The following ATP8A2 variants were observed in gnomAD, a reference collection of about 807,000 sequenced individuals.
ATP8A2 encodes phospholipid-transporting ATPase IB.
Under a neutral mutation model 165.6 loss-of-function variants are expected in ATP8A2, and 100 were observed. The ratio of observed to expected loss-of-function variants is 0.60; its 90% CI spans 0.51 to 0.71. ATP8A2 has a LOEUF of 0.71. ATP8A2 is among the 30% of genes least tolerant of loss of function. The pLI is 0.00. For missense variants in ATP8A2, 1,227 were observed against 1,479.5 expected (o/e 0.83, Z 2.80); for synonymous variants, 543 against 548.8 (o/e 0.99, Z 0.15).
chr13:25,464,379 C>G (rs938979237), intron 1 of ATP8A2, among the ~76,000 whole-genome samples: 1 of 150,082 alleles, frequency 6.7e-6, no homozygotes, highest in Non-Finnish European at 1.5e-5. Context: ...CCCAAACCCC[C>G]TAATGCAGCT....
intron 1 of ATP8A2, among the ~76,000 whole-genome samples, chr13:25,375,385 A>G (rs1018299444): frequency 6.6e-6 from 1 of 152,088 alleles, no homozygotes; most frequent in Admixed American, 6.5e-5. Context: ...AAGGGTGTAC[A>G]TGTGAATATG....
chr13:25,953,479 AAC>A lies in ATP8A2; in HGVS notation c.3184-8092_3184-8091del, dbSNP rs1955428285. Among the ~76,000 whole-genome samples, 1 of 150,408 alleles carries A rather than the reference AAC, an allele frequency of 6.6e-6. No homozygotes were observed. The highest frequency in any genetic ancestry group is 1.5e-5 in the Non-Finnish European group (1 of 67,734). On this transcript the variant is annotated intron_variant, in intron 33 of 36. Transcript: ENST00000381655. This position sits in a 1 kb window ranked among gnomAD's most constrained non-coding sequence, Gnocchi z 6.7. ...TTTTCAAATCCACGCCACATTGGGG[AAC>A]ACAAACTGACCTTATGTAGCCCTGG...
At chr13:25,677,301 G>A (rs746862892) in intron 24 of ATP8A2, among the ~76,000 whole-genome samples, 2 of 152,266 alleles carry the variant, frequency 1.3e-5, no homozygotes, top group East Asian at 1.9e-4. Flanking sequence ...AGAACATTTC[G>A]AGCATCATAG....
chr13:25,398,001 A>C (rs2033488380), intron 1 of ATP8A2, among the ~76,000 whole-genome samples: 1 of 152,156 alleles, frequency 6.6e-6, no homozygotes, highest in Non-Finnish European at 1.5e-5. Context: ...TATGTAGATG[A>C]AGCCTCCAGG....
chr13:25,957,365 A>T (rs1305404829), intron 33 of ATP8A2, among the ~76,000 whole-genome samples: 1 of 152,252 alleles, frequency 6.6e-6, no homozygotes, highest in Non-Finnish European at 1.5e-5. Flanking sequence ...CAATCTATCC[A>T]TCTGACAAAG....
chr13:26,023,747 A>G lies in ATP8A2; in HGVS notation c.*3762A>G, dbSNP rs1333393187. On this transcript the variant is annotated 3_prime_UTR_variant, in exon 37 of 37. Transcript: ENST00000381655. ...TAGGATAAGGTGGTCTTTAGTTTTG[A>G]ACGTGTGAAAGGACTGCACACTTTT... The G allele has an allele frequency of 6.6e-6, 1 of 152,180 alleles. No homozygotes were observed. Among genetic ancestry groups the G allele is most frequent in the Admixed American group, 6.5e-5 (1 of 15,274 alleles). 9.4% of individuals were successfully genotyped at this position (152,180 alleles called of 1,614,324 possible). A position where few individuals can be genotyped will look rare whatever the true frequency, so the allele number is the denominator to read the frequency against.
intron 30 of ATP8A2, among the ~76,000 whole-genome samples, chr13:25,859,648 G>A (rs978944071): frequency 3.9e-5 from 6 of 152,080 alleles, no homozygotes; most frequent in African/African-American, 1.4e-4. Flanking sequence ...GAGTGCTTGC[G>A]TTCCCCCAGG....
chr13:25,507,172 GT>G (rs1156341936), intron 2 of ATP8A2, among the ~76,000 whole-genome samples: 3 of 151,546 alleles, frequency 2.0e-5, no homozygotes, highest in Non-Finnish European at 4.4e-5. Context: ...ATATTGAAGA[GT>G]GATATCTCAG....
chr13:25,623,580 A>C (rs73469909), intron 24 of ATP8A2, among the ~76,000 whole-genome samples: 19,819 of 152,206 alleles, frequency 0.13, 1,540 homozygotes, highest in Non-Finnish European at 0.19. Flanking sequence ...ACGTGTTTTG[A>C]AACATAGTAG....
intron 24 of ATP8A2, among the ~76,000 whole-genome samples, chr13:25,623,989 G>T (rs1406233112): frequency 1.3e-5 from 2 of 151,946 alleles, no homozygotes; most frequent in Admixed American, 6.6e-5. Flanking sequence ...AGAATGGAGT[G>T]CCATCCTTCC....
intron 1 of ATP8A2, among the ~76,000 whole-genome samples, chr13:25,431,539 A>C (rs997257695): frequency 3.3e-5 from 5 of 152,142 alleles, no homozygotes; most frequent in African/African-American, 4.8e-5. Context: ...TGGAATGGGA[A>C]TTGATTTTCT....
In ATP8A2 at chr13:25,799,328, G is replaced by C. The variant is rs1056607977; in HGVS notation, c.2679+24369G>C. Among the ~76,000 whole-genome samples the C allele has an allele frequency of 3.3e-5, 5 of 152,060 alleles. No homozygotes were observed. The East Asian group carries it at 9.7e-4, about 29-fold the overall frequency. ...GGGTAGGAAGGACATCTTTCACATG[G>C]GAGTTTCACCTCCTGCCTTTAAGAA... On this transcript the variant is annotated intron_variant, in intron 27 of 36. Transcript: ENST00000381655.
At chr13:25,841,628 T>C (rs1434658087) in intron 30 of ATP8A2, among the ~76,000 whole-genome samples, 1 of 152,260 alleles carries the variant, frequency 6.6e-6, no homozygotes, top group African/African-American at 2.4e-5. Flanking sequence ...TTATTGTTCA[T>C]TAACCTTATT....
chr13:25,895,445 T>C (rs936785021), intron 33 of ATP8A2, among the ~76,000 whole-genome samples: 51 of 152,380 alleles, frequency 3.3e-4, no homozygotes, highest in African/African-American at 1.1e-3. Context: ...CAGTATTTTA[T>C]TGAGGATTTT....
At chr13:25,774,822 C>G in intron 26 of ATP8A2, 27 bp from the exon 27 acceptor site, 1 of 1,379,440 alleles carries the variant, frequency 7.2e-7, no homozygotes, top group East Asian at 2.3e-5. Flanking sequence ...ATGGGCTCTT[C>G]TGAGCTTTGT....
chr13:25,790,609 C>G (rs970764062), intron 27 of ATP8A2, among the ~76,000 whole-genome samples: 3 of 150,546 alleles, frequency 2.0e-5, no homozygotes, highest in South Asian at 2.1e-4. Flanking sequence ...GTGGGAGGAT[C>G]GCTTGAGCCT....
chr13:25,732,790 T>A (rs1297702938), intron 25 of ATP8A2, among the ~76,000 whole-genome samples: 1 of 152,100 alleles, frequency 6.6e-6, no homozygotes, highest in East Asian at 1.9e-4. Flanking sequence ...AGAACTAGCC[T>A]ATTGCTGAAA....
At chr13:25,762,167 G>GC (rs2044392442) in intron 25 of ATP8A2, among the ~76,000 whole-genome samples, 1 of 149,028 alleles carries the variant, frequency 6.7e-6, no homozygotes, top group South Asian at 2.1e-4. Flanking sequence ...TACTTGGGAG[G>GC]CTGAGGCAAG....
intron 33 of ATP8A2, among the ~76,000 whole-genome samples, chr13:25,945,298 GT>G (rs5802357): frequency 0.67 from 102,123 of 151,944 alleles, 34,558 homozygotes; most frequent in East Asian, 0.78. Context: ...TATTGATGAG[GT>G]TCTGGGGGAG....
Sources: allele counts gnomAD v4.1 joint callset (sites outside exome capture counted in the v4.1 genomes callset), GRCh38; gene constraint gnomAD v4.1.1; non-coding constraint Gnocchi (gnomAD v3.1); transcripts MANE v1.5; gene names NCBI Gene and HGNC (gene_info 2026-07-23, HGNC 2026-07-21).